CBFA2T2: variants seen among roughly 807,000 people sequenced by gnomAD.
The protein encoded by CBFA2T2 is protein CBFA2T2.
CBFA2T2 carries 11 observed loss-of-function variants against 62.2 expected under a neutral mutation model. The observed-to-expected ratio is 0.18, with a 90% CI of 0.11 to 0.29. The LOEUF (loss-of-function observed/expected upper bound fraction) is 0.29. Among genes scored for constraint, CBFA2T2 ranks in the 10% least tolerant of loss-of-function variants. The pLI, the probability that CBFA2T2 is intolerant of heterozygous loss-of-function variation, is 1.00. For missense variants in CBFA2T2, 592 were observed against 774.1 expected, an observed-to-expected ratio of 0.76 and a Z score of 2.79; for synonymous variants, 295 against 287.5, an observed-to-expected ratio of 1.03 and a Z score of -0.27.
chr20:33,640,692 G>T (rs943570002), intron 10 of CBFA2T2, among the ~76,000 whole-genome samples, 161 bp downstream of exon 10: 1 of 152,138 alleles, frequency 6.6e-6, no homozygotes, highest in African/African-American at 2.4e-5. Context: ...CTCATGCTAA[G>T]ACTCTTTTAC....
chr20:33,574,076 A>G lies in CBFA2T2; in HGVS notation c.35-32880A>G, dbSNP rs34612354. Reference sequence around the variant, plus strand: ...AGTGCTGGGATTACAGGCAAGAGCCACCATACCAGTTCCTGTCTAGATATT... The same window carrying G: ...AGTGCTGGGATTACAGGCAAGAGCCGCCATACCAGTTCCTGTCTAGATATT... On this transcript the variant is annotated intron_variant, in intron 1 of 10. Coordinates refer to ENST00000342704, the MANE Select transcript of CBFA2T2 (RefSeq NM_001032999.3). 1.7e-5 allele frequency: 25 copies of G among 1,479,080 alleles called. No homozygotes were observed. The Middle Eastern group carries it at 5.6e-4, about 33-fold the overall frequency. The allele number at this position is 1,479,080 out of a possible 1,614,324, so 91.6% of individuals were successfully genotyped here.
Position 33,640,502 on chromosome 20 carries a change from G to C in CBFA2T2, c.1459G>C (p.Val487Leu), listed in dbSNP as rs777795048. ...KRQAAEDAFL[V>L]INEQEESTEN... ...GCAGGCCGCAGAGGATGCTTTCCTC[G>C]TCATCAATGAGCAAGAGGAGTCCAC... is the stretch of plus-strand genomic sequence containing the variant. Residue 487 changes from valine to leucine, a missense_variant, in exon 10 of 11, where the codon GTC becomes CTC. By Grantham distance (32) the Val-to-Leu change is conservative. Transcript: ENST00000342704. The C allele has an allele frequency of 6.2e-7, 1 of 1,614,208 alleles. No homozygotes were observed. The highest frequency in any genetic ancestry group is 8.5e-7 in the Non-Finnish European group (1 of 1,180,042).
chr20:33,593,391 ATTTTTTTTTTTTT>A (rs754319345), intron 1 of CBFA2T2, among the ~76,000 whole-genome samples: 1 of 109,862 alleles, frequency 9.1e-6, no homozygotes, highest in South Asian at 3.1e-4. Flanking sequence ...TCTTGACTGG[ATTTTTTTTTTTTT>A]TTTTTTTTTG....
At chr20:33,523,379 A>T (rs2011787117) in intron 1 of CBFA2T2, among the ~76,000 whole-genome samples, 2 of 151,978 alleles carry the variant, frequency 1.3e-5, no homozygotes, top group South Asian at 4.2e-4. Context: ...TCCTGGGTTC[A>T]AGCAGTTCTC....
At chr20:33,538,687 C>T (rs2146876231) in intron 1 of CBFA2T2, among the ~76,000 whole-genome samples, 1 of 152,298 alleles carries the variant, frequency 6.6e-6, no homozygotes, top group Middle Eastern at 3.4e-3. Context: ...TTCTGTACAT[C>T]ATTTGCAAAT....
At chr20:33,643,528 G>A (rs1272477077) in intron 10 of CBFA2T2, among the ~76,000 whole-genome samples, 2 of 151,512 alleles carry the variant, frequency 1.3e-5, no homozygotes, top group African/African-American at 4.9e-5. Context: ...AGTCCAGCTT[G>A]GGCAACATAG....
intron 1 of CBFA2T2, among the ~76,000 whole-genome samples, chr20:33,509,053 A>C (rs1330198268): frequency 2.6e-5 from 4 of 152,228 alleles, no homozygotes. Context: ...CAGATAATTC[A>C]TGCCAGTTAA....
chr20:33,636,584 A>G, intron 8 of CBFA2T2, 56 bp from the exon 9 acceptor site: 2 of 1,301,924 alleles, frequency 1.5e-6, no homozygotes, highest in Non-Finnish European at 2.2e-6. Context: ...GATCAAAAAT[A>G]AAACTGCTGA....
chr20:33,521,259 T>A (rs893605847), intron 1 of CBFA2T2, among the ~76,000 whole-genome samples: 1 of 152,026 alleles, frequency 6.6e-6, no homozygotes, highest in African/African-American at 2.4e-5. Flanking sequence ...GGCTAGGGAG[T>A]AATGAGCTTG....
chr20:33,571,935 G>C (rs2013588848), intron 1 of CBFA2T2, among the ~76,000 whole-genome samples: 1 of 152,208 alleles, frequency 6.6e-6, no homozygotes, highest in Non-Finnish European at 1.5e-5. Flanking sequence ...CTGTCGCCCA[G>C]GCTGGAGTGC....
At chr20:33,542,565 G>A (rs1027213726) in intron 1 of CBFA2T2, among the ~76,000 whole-genome samples, 5 of 151,856 alleles carry the variant, frequency 3.3e-5, no homozygotes, top group African/African-American at 7.3e-5. Context: ...TTTGAGTTTT[G>A]TTGTTGTTTT....
At chr20:33,598,312 C>A (rs2014974039) in intron 1 of CBFA2T2, among the ~76,000 whole-genome samples, 1 of 152,078 alleles carries the variant, frequency 6.6e-6, no homozygotes, top group South Asian at 2.1e-4. Context: ...CTATTTCACC[C>A]CTGCAGTCTC....
In CBFA2T2 at chr20:33,559,172, C is replaced by CTTTTTTTTTTTTTTTTTTTT. The variant is rs376048540; in HGVS notation, c.35-47782_35-47763dup. On this transcript the variant is annotated intron_variant, in intron 1 of 10. Coordinates refer to ENST00000342704, the MANE Select transcript of CBFA2T2 (RefSeq NM_001032999.3). ...CAATTGCAGCTTCTTTTTTTCCTTT[C>CTTTTTTTTTTTTTTTTTTTT]TTTTTTTTTTTTTTTTTTTTTCTGA... Among the ~76,000 whole-genome samples, 38 of 87,616 alleles carry CTTTTTTTTTTTTTTTTTTTT rather than the reference C, an allele frequency of 4.3e-4. 5 individuals are homozygous for CTTTTTTTTTTTTTTTTTTTT. Among genetic ancestry groups the CTTTTTTTTTTTTTTTTTTTT allele is most frequent in the African/African-American group, 1.9e-3 (37 of 19,096 alleles). 57.5% of individuals were successfully genotyped at this position (87,616 alleles called of 152,430 possible). A position where few individuals can be genotyped will look rare whatever the true frequency, so the allele number is the denominator to read the frequency against.
chr20:33,640,637 G>T, intron 10 of CBFA2T2, 106 bp downstream of exon 10: 1 of 975,160 alleles, frequency 1.0e-6, no homozygotes, highest in Non-Finnish European at 1.5e-6. Context: ...CCACTCTTGA[G>T]CTCAATGAGG....
At chr20:33,536,211 G>C (rs1236703288) in intron 1 of CBFA2T2, among the ~76,000 whole-genome samples, 1 of 152,030 alleles carries the variant, frequency 6.6e-6, no homozygotes, top group Non-Finnish European at 1.5e-5. Flanking sequence ...GGTGGTGGCC[G>C]GGCAGAGGGG....
chr20:33,610,784 A>T (rs1035792688), intron 2 of CBFA2T2, among the ~76,000 whole-genome samples: 1 of 152,144 alleles, frequency 6.6e-6, no homozygotes, highest in Non-Finnish European at 1.5e-5. Context: ...GCCCAGACCC[A>T]TCTCAAGCAC....
chr20:33,514,637 C>G (rs1482839021), intron 1 of CBFA2T2, among the ~76,000 whole-genome samples: 2 of 151,990 alleles, frequency 1.3e-5, no homozygotes, highest in East Asian at 3.9e-4. Flanking sequence ...CAGTTTTGAG[C>G]AGGAGGGTGA....
chr20:33,600,182 G>GTTTTTTTTTTT (rs1183371343), intron 1 of CBFA2T2, among the ~76,000 whole-genome samples: 4 of 62,068 alleles, frequency 6.4e-5, no homozygotes, highest in Admixed American at 1.9e-4. Flanking sequence ...CTTTTGGAAA[G>GTTTTTTTTTTT]TTTTTTTTTT....
chr20:33,642,457 A>G (rs1257804946), intron 10 of CBFA2T2, among the ~76,000 whole-genome samples: 1 of 152,074 alleles, frequency 6.6e-6, no homozygotes, highest in East Asian at 1.9e-4. Flanking sequence ...AAATTTAAAA[A>G]TTAGCCAGGC....
Sources: allele counts gnomAD v4.1 joint callset (sites outside exome capture counted in the v4.1 genomes callset), GRCh38; gene constraint gnomAD v4.1.1; transcripts MANE v1.5; gene names NCBI Gene and HGNC (gene_info 2026-07-23, HGNC 2026-07-21).